The following TMIGD3 variants were observed in gnomAD, a reference collection of about 807,000 sequenced individuals.
The protein encoded by TMIGD3 is transmembrane and immunoglobulin domain containing 3.
In TMIGD3, 21 loss-of-function variants were observed where a neutral mutation model predicts 28.1. The observed-to-expected ratio is 0.75, with a 90% CI of 0.53 to 1.08. The LOEUF (loss-of-function observed/expected upper bound fraction) is 1.08, where lower values mean the gene tolerates loss of function less well. Ranked by LOEUF, TMIGD3 falls within the 50% of genes least tolerant of loss-of-function variation. The pLI is 0.00. For missense variants in TMIGD3, 416 were observed against 435.6 expected, an observed-to-expected ratio of 0.96 and a Z score of 0.40; for synonymous variants, 151 against 162.1, an observed-to-expected ratio of 0.93 and a Z score of 0.52.
chr1:111,563,668 A>G (rs1007619488), intron 1 of TMIGD3, among the ~76,000 whole-genome samples: 11 of 152,226 alleles, frequency 7.2e-5, no homozygotes, highest in African/African-American at 1.2e-4. Context: ...CACGTATATT[A>G]TGTCACATCA....
At chr1:111,516,463 C>T (rs1445868585) in intron 1 of TMIGD3, among the ~76,000 whole-genome samples, 2 of 152,128 alleles carry the variant, frequency 1.3e-5, no homozygotes, top group African/African-American at 4.8e-5. Context: ...CTTAGACTTC[C>T]GCCCCAGCCA....
At chr1:111,525,979 A>G (rs908409018) in intron 1 of TMIGD3, among the ~76,000 whole-genome samples, 1 of 152,208 alleles carries the variant, frequency 6.6e-6, no homozygotes, top group African/African-American at 2.4e-5. Context: ...TAATGTGATT[A>G]TTGATATCAT....
chr1:111,545,797 A>G (rs965397758), intron 1 of TMIGD3, among the ~76,000 whole-genome samples: 2 of 152,114 alleles, frequency 1.3e-5, no homozygotes, highest in African/African-American at 4.8e-5. Context: ...TAATTTTTGT[A>G]TACAGTGTAA....
chr1:111,495,296 G>T (rs544217014), intron 1 of TMIGD3, among the ~76,000 whole-genome samples: 2 of 152,260 alleles, frequency 1.3e-5, no homozygotes, highest in Admixed American at 6.5e-5. Context: ...CCCATTAAAA[G>T]GTAGACAAAG....
intron 1 of TMIGD3, among the ~76,000 whole-genome samples, chr1:111,519,119 A>G (rs1281120186): frequency 1.3e-5 from 2 of 152,082 alleles, no homozygotes; most frequent in Middle Eastern, 3.2e-3. Flanking sequence ...TTGTATTTTT[A>G]GTAGAGACGA....
intron 1 of TMIGD3, among the ~76,000 whole-genome samples, chr1:111,516,342 G>C (rs1037059071): frequency 6.6e-6 from 1 of 152,194 alleles, no homozygotes; most frequent in African/African-American, 2.4e-5. Flanking sequence ...GATGGTGATG[G>C]CTCAGGGCGA....
At chr1:111,544,352 A>G (rs1656959642) in intron 1 of TMIGD3, among the ~76,000 whole-genome samples, 1 of 152,128 alleles carries the variant, frequency 6.6e-6, no homozygotes, top group Non-Finnish European at 1.5e-5. Flanking sequence ...AGTATTTCCC[A>G]TATTTCCCAA....
chr1:111,546,992 T>C (rs1417940195), intron 1 of TMIGD3, among the ~76,000 whole-genome samples: 1 of 152,198 alleles, frequency 6.6e-6, no homozygotes. Context: ...GAGTGTAAAG[T>C]GGAACAATGC....
intron 1 of TMIGD3, among the ~76,000 whole-genome samples, chr1:111,552,965 T>C (rs1289717835): frequency 6.6e-6 from 1 of 152,222 alleles, no homozygotes; most frequent in Non-Finnish European, 1.5e-5. Flanking sequence ...TATATACTCA[T>C]CTCTAGGACT....
At chr1:111,489,180 T>A (rs942935632) in intron 2 of TMIGD3, among the ~76,000 whole-genome samples, 156 bp from the exon 3 acceptor site, 7 of 152,244 alleles carry the variant, frequency 4.6e-5, no homozygotes, top group African/African-American at 1.7e-4. Context: ...GGCTGAACTA[T>A]GTCCCCTTCA....
rs746501788 is a variant in TMIGD3 at position 111,561,656 on chromosome 1, G to A, written c.107+2190C>T. Among the ~76,000 whole-genome samples, 123 of 152,230 alleles carry A rather than the reference G, an allele frequency of 8.1e-4. 1 individual carries two copies. The highest frequency in any genetic ancestry group is 3.6e-3 in the Admixed American group (55 of 15,284). On this transcript the variant is annotated intron_variant, in intron 1 of 5. Transcript: ENST00000369717. Reference sequence around the variant, plus strand: ...TAGGCCATTACTCTTCTCTCCTACTGCTCACTACTATAGAATTTTTTGTAA... The same window carrying A: ...TAGGCCATTACTCTTCTCTCCTACTACTCACTACTATAGAATTTTTTGTAA...
chr1:111,551,802 C>A (rs1164396748), intron 1 of TMIGD3, among the ~76,000 whole-genome samples: 2 of 147,860 alleles, frequency 1.4e-5, no homozygotes, highest in Admixed American at 6.8e-5. Context: ...AGGGATTCTG[C>A]AACTTTATTG....
chr1:111,496,188 A>G (rs1441321005), intron 1 of TMIGD3, among the ~76,000 whole-genome samples: 2 of 152,244 alleles, frequency 1.3e-5, no homozygotes, highest in Non-Finnish European at 2.9e-5. Flanking sequence ...ATTTTTAAAA[A>G]GAGACATTAA....
intron 1 of TMIGD3, among the ~76,000 whole-genome samples, chr1:111,522,727 A>C (rs758032816): frequency 6.6e-6 from 1 of 151,984 alleles, no homozygotes; most frequent in Non-Finnish European, 1.5e-5. Context: ...TGTGTTGGTC[A>C]GGCTGGTCTC....
intron 1 of TMIGD3, among the ~76,000 whole-genome samples, chr1:111,517,861 C>T (rs1655918288): frequency 6.6e-6 from 1 of 152,210 alleles, no homozygotes; most frequent in Non-Finnish European, 1.5e-5. Flanking sequence ...TTCAGAGCTT[C>T]ATATTAAAAC....
intron 1 of TMIGD3, among the ~76,000 whole-genome samples, chr1:111,545,562 G>C (rs201539922): frequency 6.6e-6 from 1 of 151,930 alleles, no homozygotes; most frequent in African/African-American, 2.4e-5. Flanking sequence ...ATTTTCCCCC[G>C]TTCTCTGGTT....
At chr1:111,495,145 G>A (rs1443671076) in intron 1 of TMIGD3, among the ~76,000 whole-genome samples, 1 of 152,194 alleles carries the variant, frequency 6.6e-6, no homozygotes, top group Non-Finnish European at 1.5e-5. Context: ...ATTGACAAAT[G>A]GGATCCAATT....
At chr1:111,500,854 GC>G in intron 1 of TMIGD3, 3 of 491,880 alleles carry the variant, frequency 6.1e-6, no homozygotes, top group Admixed American at 3.6e-5. Flanking sequence ...AGAGTCAAGT[GC>G]TTACGTGCTC....
chr1:111,552,720 T>G (rs1465765167), intron 1 of TMIGD3, among the ~76,000 whole-genome samples: 1 of 152,194 alleles, frequency 6.6e-6, no homozygotes, highest in Non-Finnish European at 1.5e-5. Context: ...ATGTTGGTGT[T>G]TGAATACCAG....
Sources: gnomAD v4.1 joint callset for allele counts (sites outside exome capture counted in the v4.1 genomes callset) on GRCh38, gnomAD v4.1.1 for gene constraint, MANE v1.5 for transcripts, NCBI Gene and HGNC (gene_info 2026-07-23, HGNC 2026-07-21) for gene names.